NEURL1B: variants seen among roughly 807,000 people sequenced by gnomAD.
NEURL1B encodes E3 ubiquitin-protein ligase NEURL1B.
A neutral mutation model predicts 37.4 loss-of-function variants in NEURL1B; 13 were observed. The observed-to-expected ratio is 0.35, with a 90% CI of 0.23 to 0.55. NEURL1B has a LOEUF of 0.55. Among genes scored for constraint, NEURL1B ranks in the 20% least tolerant of loss-of-function variants. NEURL1B has a pLI of 0.89. For missense variants in NEURL1B, 790 were observed against 879.2 expected (o/e 0.90, Z 1.28); for synonymous variants, 432 against 426.6 (o/e 1.01, Z -0.16).
chr5:172,650,875 G>A (rs189910427), intron 1 of NEURL1B, among the ~76,000 whole-genome samples: 1 of 152,332 alleles, frequency 6.6e-6, no homozygotes, highest in African/African-American at 2.4e-5. Context: ...ATGATGGGGT[G>A]AGTGCTTTGG....
intron 2 of NEURL1B, among the ~76,000 whole-genome samples, chr5:172,681,827 G>T (rs1242698204): frequency 6.6e-6 from 1 of 152,140 alleles, no homozygotes; most frequent in Non-Finnish European, 1.5e-5. Context: ...ACTATAGAAT[G>T]GTAACATTTA....
intron 2 of NEURL1B, among the ~76,000 whole-genome samples, chr5:172,673,366 ACTC>A (rs1278500884): frequency 6.6e-6 from 1 of 151,754 alleles, no homozygotes; most frequent in African/African-American, 2.4e-5. Context: ...AGCACTCTGA[ACTC>A]CTTTCCATCA....
At chr5:172,649,115 G>T (rs1757612536) in intron 1 of NEURL1B, among the ~76,000 whole-genome samples, 1 of 152,192 alleles carries the variant, frequency 6.6e-6, no homozygotes, top group South Asian at 2.1e-4. Flanking sequence ...TCAACCAAAG[G>T]AGGAACTAAC....
At position 172,686,948 on chromosome 5, in the gene NEURL1B, G is replaced by C; in HGVS notation, c.*23G>C. The C allele has an allele frequency of 6.5e-7, 1 of 1,533,740 alleles. No homozygotes were observed. Among genetic ancestry groups the C allele is most frequent in the Non-Finnish European group, 8.8e-7 (1 of 1,133,422 alleles). ...TAGCCTAGCCTGCCCACGGGCCTTG[G>C]CCGGTGCAAGGTCACCTTTCTGAAG... On this transcript the variant is annotated 3_prime_UTR_variant, in exon 5 of 5. Coordinates refer to ENST00000369800, the MANE Select transcript of NEURL1B (RefSeq NM_001142651.3). This position sits in a 1 kb window ranked among gnomAD's most constrained non-coding sequence, Gnocchi z 7.9.
At chr5:172,672,650 T>C (rs1728515600) in intron 2 of NEURL1B, among the ~76,000 whole-genome samples, 1 of 151,420 alleles carries the variant, frequency 6.6e-6, no homozygotes, top group Admixed American at 6.6e-5. Flanking sequence ...ATGGCAGACA[T>C]GAGCCTCAGC....
rs867133810 is a variant in NEURL1B at position 172,683,973 on chromosome 5, C to T, written c.1132C>T (p.Pro378Ser). Residue 378 changes from proline to serine, a missense_variant, in exon 3 of 5, where the codon CCG becomes TCG. Pro to Ser is a moderately conservative substitution (Grantham distance 74, BLOSUM62 -1). Transcript: ENST00000369800. The surrounding 1 kb of genome is among the most constrained non-coding windows in gnomAD (Gnocchi z 5.6). ...YWVVARAGPV[P>S]SGGDALSFTL... ...GGTGGTGGCGCGCGCCGGGCCCGTG[C>T]CGAGCGGCGGCGACGCGCTCAGCTT... 2 of 1,319,924 alleles carry T rather than the reference C, an allele frequency of 1.5e-6. No homozygotes were observed. Among genetic ancestry groups the T allele is most frequent in the East Asian group, 3.4e-5 (1 of 29,506 alleles). 81.8% of individuals were successfully genotyped at this position (1,319,924 alleles called of 1,614,324 possible). A position where few individuals can be genotyped will look rare whatever the true frequency, so the allele number is the denominator to read the frequency against.
chr5:172,686,567 C>A lies in NEURL1B; in HGVS notation c.1424-114C>A. The A allele has an allele frequency of 7.9e-7, 1 of 1,262,642 alleles. No individual in the cohort carries two copies. Among genetic ancestry groups the A allele is most frequent in the Non-Finnish European group, 1.1e-6 (1 of 919,438 alleles). The allele number at this position is 1,262,642 out of a possible 1,614,324, so 78.2% of individuals were successfully genotyped here. A position where few individuals can be genotyped will look rare whatever the true frequency, so the allele number is the denominator to read the frequency against. On this transcript the variant is annotated intron_variant, in intron 4 of 4. Transcript: ENST00000369800. This position sits in a 1 kb window ranked among gnomAD's most constrained non-coding sequence, Gnocchi z 7.9. ...AAGGTAAACTCAAATTAGTATCTCC[C>A]AAAAGTATTCTCCCACCGGTCCCAG... is the stretch of plus-strand genomic sequence containing the variant.
chr5:172,679,152 C>T (rs1758297616), intron 2 of NEURL1B, among the ~76,000 whole-genome samples: 1 of 152,256 alleles, frequency 6.6e-6, no homozygotes, highest in Non-Finnish European at 1.5e-5. Context: ...AGCTGAACGA[C>T]AACAGCAGCA....
Position 172,661,765 on chromosome 5 carries a change from C to T in NEURL1B, c.32-8020C>T, listed in dbSNP as rs535608399. On this transcript the variant is annotated intron_variant, in intron 1 of 4. Coordinates refer to ENST00000369800, the MANE Select transcript of NEURL1B (RefSeq NM_001142651.3). This position sits in a 1 kb window ranked among gnomAD's most constrained non-coding sequence, Gnocchi z 4.0. ...AGCCGGCGTCTCGGGGCCAGAGTAT[C>T]GGGAGCTGTTGCTTCCTGCCATCCT... 5.3e-5 allele frequency among the ~76,000 whole-genome samples: 8 copies of T among 152,372 alleles called. No homozygotes were observed. Among genetic ancestry groups the T allele is most frequent in the East Asian group, 1.9e-4 (1 of 5,190 alleles).
In NEURL1B at chr5:172,689,412, TCACATCAAAGA is replaced by T. The variant is rs1758584941; in HGVS notation, c.*2491_*2501del. ...CGGCAGGTCTTATTGCCATAATAAG[TCACATCAAAGA>T]CACTGCTGGTCATAAAACACTGTTT... On this transcript the variant is annotated 3_prime_UTR_variant, in exon 5 of 5. Coordinates refer to ENST00000369800, the MANE Select transcript of NEURL1B (RefSeq NM_001142651.3). 1 of 152,172 alleles carries T rather than the reference TCACATCAAAGA, an allele frequency of 6.6e-6. No individual in the cohort carries two copies. Among genetic ancestry groups the T allele is most frequent in the East Asian group, 1.9e-4 (1 of 5,192 alleles). 9.4% of individuals were successfully genotyped at this position (152,172 alleles called of 1,614,324 possible).
chr5:172,651,201 A>G (rs1320241298), intron 1 of NEURL1B, among the ~76,000 whole-genome samples: 1 of 152,174 alleles, frequency 6.6e-6, no homozygotes, highest in African/African-American at 2.4e-5. Flanking sequence ...TTTTTTTAAC[A>G]TGTCTTGGCT....
At position 172,686,093 on chromosome 5, in the gene NEURL1B, C is replaced by T; in HGVS notation, c.1298-78C>T. 6.6e-7 allele frequency: 1 copy of T among 1,513,682 alleles called. No individual in the cohort carries two copies. The allele number at this position is 1,513,682 out of a possible 1,614,324, so 93.8% of individuals were successfully genotyped here. A position where few individuals can be genotyped will look rare whatever the true frequency, so the allele number is the denominator to read the frequency against. ...CTCGTTAGACGGGAAAGCTAAGGTG[C>T]AAAGCAGTGAAGAACCATGGACTAG... On this transcript the variant is annotated intron_variant, in intron 3 of 4. Coordinates refer to ENST00000369800, the MANE Select transcript of NEURL1B (RefSeq NM_001142651.3). The surrounding 1 kb of genome is among the most constrained non-coding windows in gnomAD (Gnocchi z 7.9).
rs1419743025 is a variant in NEURL1B at position 172,691,046 on chromosome 5, G to A, written c.*4121G>A. On this transcript the variant is annotated 3_prime_UTR_variant, in exon 5 of 5. Transcript: ENST00000369800. The stretch of plus-strand genomic sequence containing the variant: ...TCCTGGCATTTCTCGGTATTTAACT[G>A]TCTCGCTGTCTTATCCGAGTCCCTA... The A allele has an allele frequency of 6.6e-6, 1 of 152,214 alleles. No individual in the cohort carries two copies. The highest frequency in any genetic ancestry group is 1.5e-5 in the Non-Finnish European group (1 of 68,060). The allele number at this position is 152,214 out of a possible 1,614,324, so 9.4% of individuals were successfully genotyped here. A position where few individuals can be genotyped will look rare whatever the true frequency, so the allele number is the denominator to read the frequency against.
Position 172,683,996 on chromosome 5 carries a change from C to T in NEURL1B, c.1155C>T (p.Ser385=). The T allele has an allele frequency of 7.5e-7, 1 of 1,329,992 alleles. No individual in the cohort carries two copies. Among genetic ancestry groups the T allele is most frequent in the Admixed American group, 3.6e-5 (1 of 27,480 alleles). The allele number at this position is 1,329,992 out of a possible 1,614,324, so 82.4% of individuals were successfully genotyped here. ...TGCCGAGCGGCGGCGACGCGCTCAG[C>T]TTCACGCTGCGGCCCGGCGGCGACG... ...GPVPSGGDAL[S]FTLRPGGDVL... Residue 385 remains serine (S), a synonymous_variant, in exon 3 of 5, where the codon AGC becomes AGT. Transcript: ENST00000369800. This position sits in a 1 kb window ranked among gnomAD's most constrained non-coding sequence, Gnocchi z 5.6.
Position 172,670,418 on chromosome 5 carries a change from A to G in NEURL1B, c.577+88A>G, listed in dbSNP as rs538567619. 1.4e-5 allele frequency: 15 copies of G among 1,081,570 alleles called. No individual in the cohort carries two copies. In the East Asian group the frequency reaches 3.9e-4, roughly 28 times the overall value. The allele number at this position is 1,081,570 out of a possible 1,614,324, so 67.0% of individuals were successfully genotyped here. On this transcript the variant is annotated intron_variant, in intron 2 of 4. Coordinates refer to ENST00000369800, the MANE Select transcript of NEURL1B (RefSeq NM_001142651.3). ...GTTTCATTAGTAGCCACAGTCACTT[A>G]TGGAGAGCTCCTTTTGCCAGGCGTG...
intron 1 of NEURL1B, among the ~76,000 whole-genome samples, chr5:172,645,987 G>C (rs1482342899): frequency 6.6e-6 from 1 of 152,222 alleles, no homozygotes; most frequent in Non-Finnish European, 1.5e-5. Context: ...GTGCATTTAT[G>C]TAGTAAGAGT....
Position 172,683,444 on chromosome 5 carries a change from G to A in NEURL1B, c.603G>A (p.Thr201=). The change falls in exon 3 of 5, where the codon ACG becomes ACA. Residue 201 remains threonine, a synonymous_variant. Coordinates refer to ENST00000369800, the MANE Select transcript of NEURL1B (RefSeq NM_001142651.3). The surrounding 1 kb of genome is among the most constrained non-coding windows in gnomAD (Gnocchi z 5.6). The part of the protein sequence containing the change: ...LLESAFADTL[T]PARLSQARFS... ...AGAGCGCCTTCGCTGACACGCTGAC[G>A]CCCGCGCGCCTCAGCCAGGCCCGCT... 3.5e-6 allele frequency: 5 copies of A among 1,449,176 alleles called. No homozygotes were observed. Among genetic ancestry groups the A allele is most frequent in the Admixed American group, 2.6e-5 (1 of 39,110 alleles). 89.8% of individuals were successfully genotyped at this position (1,449,176 alleles called of 1,614,324 possible). A position where few individuals can be genotyped will look rare whatever the true frequency, so the allele number is the denominator to read the frequency against.
At chr5:172,680,363 G>T (rs1758324952) in intron 2 of NEURL1B, among the ~76,000 whole-genome samples, 1 of 152,036 alleles carries the variant, frequency 6.6e-6, no homozygotes, top group Admixed American at 6.6e-5. Flanking sequence ...TAATAAGGAT[G>T]CTGCACTGAT....
At chr5:172,674,679 T>C (rs1758195314) in intron 2 of NEURL1B, among the ~76,000 whole-genome samples, 1 of 152,144 alleles carries the variant, frequency 6.6e-6, no homozygotes, top group Non-Finnish European at 1.5e-5. Flanking sequence ...TTTGCATAGG[T>C]GTACATTGCC....
Sources: gnomAD v4.1 joint callset for allele counts (sites outside exome capture counted in the v4.1 genomes callset) on GRCh38, gnomAD v4.1.1 for gene constraint, Gnocchi (gnomAD v3.1) non-coding constraint, MANE v1.5 for transcripts, NCBI Gene and HGNC (gene_info 2026-07-23, HGNC 2026-07-21) for gene names.